PDE1A: variants seen among roughly 807,000 people sequenced by gnomAD.
PDE1A encodes the protein dual specificity calcium/calmodulin-dependent 3',5'-cyclic nucleotide phosphodiesterase 1A.
Under a neutral mutation model 61.7 loss-of-function variants are expected in PDE1A, and 35 were observed. The ratio of observed to expected loss-of-function variants is 0.57; its 90% CI spans 0.43 to 0.75. The LOEUF (loss-of-function observed/expected upper bound fraction) is 0.75. PDE1A is among the 30% of genes least tolerant of loss of function. The pLI is 0.00. For synonymous variants in PDE1A, 232 were observed against 213.2 expected (o/e 1.09, Z -0.77); for missense variants, 597 against 630.6 (o/e 0.95, Z 0.57).
chr2:182,248,200 G>A (rs952440001), intron 2 of PDE1A, among the ~76,000 whole-genome samples: 5 of 148,494 alleles, frequency 3.4e-5, no homozygotes, highest in African/African-American at 1.3e-4. Flanking sequence ...AGGTTACAGT[G>A]AGCCAAGATC....
chr2:182,227,582 T>C (rs951171409), intron 6 of PDE1A, among the ~76,000 whole-genome samples: 8 of 152,126 alleles, frequency 5.3e-5, no homozygotes, highest in African/African-American at 1.9e-4. Flanking sequence ...TTAATAGCTA[T>C]TATGTTTTAG....
At chr2:182,455,658 C>T (rs1685863163) in intron 2 of PDE1A, among the ~76,000 whole-genome samples, 1 of 151,510 alleles carries the variant, frequency 6.6e-6, no homozygotes, top group Non-Finnish European at 1.5e-5. Context: ...ATTCCAAGGA[C>T]AAAAAACCAA....
chr2:182,254,332 C>T (rs952763369), intron 2 of PDE1A, among the ~76,000 whole-genome samples: 8 of 152,136 alleles, frequency 5.3e-5, no homozygotes, highest in Admixed American at 3.3e-4. Context: ...AGCCACCCCT[C>T]CCCACAACTC....
chr2:182,311,917 C>T (rs952161968), intron 1 of PDE1A, among the ~76,000 whole-genome samples: 2 of 152,208 alleles, frequency 1.3e-5, no homozygotes, highest in African/African-American at 2.4e-5. Context: ...CTAGTACCTC[C>T]ACATTATCAC....
chr2:182,419,708 C>G (rs1163666659), intron 1 of PDE1A, among the ~76,000 whole-genome samples: 1 of 152,128 alleles, frequency 6.6e-6, no homozygotes, highest in Non-Finnish European at 1.5e-5. Flanking sequence ...CAAGGGGCAC[C>G]AGCTAGCAGT....
chr2:182,560,140 G>A, the PDE1A span, among the ~76,000 whole-genome samples: 2 of 150,868 alleles, frequency 1.3e-5, no homozygotes, highest in Non-Finnish European at 2.9e-5. Context: ...CTATACATGT[G>A]CCATGCTGGT....
chr2:182,549,353 A>C, the PDE1A span, among the ~76,000 whole-genome samples: 1 of 152,250 alleles, frequency 6.6e-6, no homozygotes, highest in East Asian at 1.9e-4. Context: ...ATTATGCAAA[A>C]AGGCACAAAA....
the PDE1A span, among the ~76,000 whole-genome samples, chr2:182,655,089 A>T: frequency 1.3e-5 from 2 of 152,284 alleles, no homozygotes; most frequent in South Asian, 4.1e-4. Context: ...CGTAAAGAGG[A>T]TAGTAACTAC....
chr2:182,421,968 A>G (rs1262933292), intron 1 of PDE1A, among the ~76,000 whole-genome samples: 1 of 152,212 alleles, frequency 6.6e-6, no homozygotes, highest in Non-Finnish European at 1.5e-5. Context: ...TGCCTGCCAA[A>G]TACACACTCA....
chr2:182,613,578 A>T, the PDE1A span, among the ~76,000 whole-genome samples: 1 of 151,978 alleles, frequency 6.6e-6, no homozygotes, highest in Non-Finnish European at 1.5e-5. Flanking sequence ...AAAAAAAAAA[A>T]TCATTAAATA....
chr2:182,353,122 A>G (rs766462833), intron 1 of PDE1A, among the ~76,000 whole-genome samples: 1 of 152,212 alleles, frequency 6.6e-6, no homozygotes, highest in African/African-American at 2.4e-5. Context: ...TACAGCTGCA[A>G]GCTAAAAAAC....
At chr2:182,318,272 G>C (rs1203177384) in intron 1 of PDE1A, among the ~76,000 whole-genome samples, 1 of 151,950 alleles carries the variant, frequency 6.6e-6, no homozygotes, top group Non-Finnish European at 1.5e-5. Flanking sequence ...AATTATATTT[G>C]TTATTTCTAA....
intron 3 of PDE1A, among the ~76,000 whole-genome samples, chr2:182,235,841 TA>T (rs891215704): frequency 6.6e-6 from 1 of 152,250 alleles, no homozygotes; most frequent in African/African-American, 2.4e-5. Context: ...ACGTCTTTTA[TA>T]AAACCGCTAT....
the PDE1A span, among the ~76,000 whole-genome samples, chr2:182,548,585 AT>A: frequency 6.6e-6 from 1 of 152,072 alleles, no homozygotes; most frequent in African/African-American, 2.4e-5. Flanking sequence ...ATTTTTAAGA[AT>A]TTTTTTCTTT....
At chr2:182,512,634 T>C (rs1049436726) in intron 2 of PDE1A, among the ~76,000 whole-genome samples, 2 of 152,088 alleles carry the variant, frequency 1.3e-5, no homozygotes, top group Non-Finnish European at 2.9e-5. Flanking sequence ...GAGTTCAGAA[T>C]CTGGATGGCA....
intron 7 of PDE1A, among the ~76,000 whole-genome samples, chr2:182,220,945 T>C (rs62190497): frequency 1.7e-4 from 26 of 152,248 alleles, no homozygotes; most frequent in Non-Finnish European, 3.4e-4. Context: ...CATGGAATTT[T>C]CAAGTTCATG....
chr2:182,334,892 A>C (rs527417131), intron 1 of PDE1A, among the ~76,000 whole-genome samples: 4 of 152,318 alleles, frequency 2.6e-5, no homozygotes, highest in African/African-American at 9.6e-5. Context: ...GTCTCAGCCC[A>C]AAATCCCCTT....
chr2:182,658,982 C>T, the PDE1A span, among the ~76,000 whole-genome samples: 5 of 152,168 alleles, frequency 3.3e-5, no homozygotes, highest in South Asian at 2.1e-4. Context: ...GACTGGAACA[C>T]GGAATTGAAA....
At chr2:182,416,631 T>G (rs1017109578) in intron 1 of PDE1A, among the ~76,000 whole-genome samples, 1 of 151,790 alleles carries the variant, frequency 6.6e-6, no homozygotes, top group Non-Finnish European at 1.5e-5. Flanking sequence ...AAAACATAAA[T>G]AAGAAAAGAA....
Sources: allele counts gnomAD v4.1 joint callset (sites outside exome capture counted in the v4.1 genomes callset), GRCh38; gene constraint gnomAD v4.1.1; transcripts MANE v1.5; gene names NCBI Gene and HGNC (gene_info 2026-07-23, HGNC 2026-07-21).